BBX: variants seen among roughly 807,000 people sequenced by gnomAD.
BBX encodes the protein HMG box transcription factor BBX.
Under a neutral mutation model 100.2 loss-of-function variants are expected in BBX, and 30 were observed. The observed-to-expected ratio is 0.30, with a 90% CI of 0.22 to 0.41. The LOEUF (loss-of-function observed/expected upper bound fraction) is 0.41. Ranked by LOEUF, BBX falls within the 10% of genes least tolerant of loss-of-function variation. The pLI is 1.00. For missense variants in BBX, 1,023 were observed against 1,129.8 expected (o/e 0.91, Z 1.35); for synonymous variants, 376 against 388.1 (o/e 0.97, Z 0.37).
chr3:107,700,971 G>A (rs2061003738), intron 3 of BBX, among the ~76,000 whole-genome samples: 1 of 151,754 alleles, frequency 6.6e-6, no homozygotes, highest in Non-Finnish European at 1.5e-5. Context: ...TGGGATGGCT[G>A]GGTCAAATGG....
intron 2 of BBX, among the ~76,000 whole-genome samples, chr3:107,617,508 A>C (rs774961340): frequency 1.6e-4 from 25 of 152,176 alleles, no homozygotes; most frequent in South Asian, 1.0e-3. Context: ...ATTCATGAAC[A>C]CTGTATGTCT....
intron 2 of BBX, among the ~76,000 whole-genome samples, chr3:107,620,607 C>A (rs192526349): frequency 1.1e-3 from 161 of 152,322 alleles, no homozygotes; most frequent in African/African-American, 3.5e-3. Flanking sequence ...CTCACCTGTC[C>A]TCCATTGACA....
chr3:107,675,400 C>T (rs985849098), intron 3 of BBX, among the ~76,000 whole-genome samples: 3 of 152,182 alleles, frequency 2.0e-5, no homozygotes, highest in African/African-American at 7.2e-5. Context: ...GAAGCAGAAG[C>T]AGCTCCTTGT....
At chr3:107,558,297 G>T (rs1242212200) in intron 2 of BBX, among the ~76,000 whole-genome samples, 2 of 152,172 alleles carry the variant, frequency 1.3e-5, no homozygotes, top group Non-Finnish European at 2.9e-5. Context: ...GACCAACCTG[G>T]CCAATGTGGA....
intron 5 of BBX, among the ~76,000 whole-genome samples, chr3:107,728,455 T>G (rs918203549): frequency 2.6e-5 from 4 of 152,162 alleles, no homozygotes; most frequent in Non-Finnish European, 4.4e-5. Context: ...CTAGGCTCAT[T>G]CCATTATAAA....
intron 7 of BBX, among the ~76,000 whole-genome samples, chr3:107,739,958 T>A (rs937513458): frequency 1.3e-5 from 2 of 152,068 alleles, no homozygotes; most frequent in Non-Finnish European, 2.9e-5. Context: ...CCACACAGAT[T>A]ATAATGTTAG....
At chr3:107,705,156 C>T (rs151280924) in intron 3 of BBX, among the ~76,000 whole-genome samples, 6 of 152,162 alleles carry the variant, frequency 3.9e-5, no homozygotes, top group African/African-American at 1.4e-4. Flanking sequence ...CTGGTTTTTC[C>T]TCTCCTCCGT....
At chr3:107,551,036 A>T (rs1345130136) in intron 2 of BBX, among the ~76,000 whole-genome samples, 2 of 152,204 alleles carry the variant, frequency 1.3e-5, no homozygotes, top group African/African-American at 2.4e-5. Context: ...AGCGCTATCT[A>T]AGTCATTCTC....
intron 3 of BBX, among the ~76,000 whole-genome samples, chr3:107,700,254 G>A (rs2060937671): frequency 6.6e-6 from 1 of 151,716 alleles, no homozygotes; most frequent in Non-Finnish European, 1.5e-5. Flanking sequence ...TGGGAGTGTG[G>A]TGAGGGAAGG....
chr3:107,615,119 A>G (rs1200064698), intron 2 of BBX, among the ~76,000 whole-genome samples: 1 of 152,206 alleles, frequency 6.6e-6, no homozygotes, highest in African/African-American at 2.4e-5. Context: ...AGCTACAGAA[A>G]TCAGCTAGGA....
At chr3:107,792,051 C>T (rs189792610) in intron 15 of BBX, among the ~76,000 whole-genome samples, 1 of 152,272 alleles carries the variant, frequency 6.6e-6, no homozygotes, top group East Asian at 1.9e-4. Context: ...ATTAACTAGT[C>T]ATGTTATAGG....
chr3:107,805,680 C>A lies in BBX; in HGVS notation c.*223C>A. 1.4e-6 allele frequency: 1 copy of A among 728,740 alleles called. No individual in the cohort carries two copies. Among genetic ancestry groups the A allele is most frequent in the Non-Finnish European group, 2.1e-6 (1 of 473,798 alleles). The allele number at this position is 728,740 out of a possible 1,614,324, so 45.1% of individuals were successfully genotyped here. On this transcript the variant is annotated 3_prime_UTR_variant, in exon 18 of 18. Transcript: ENST00000325805. The stretch of plus-strand genomic sequence containing the variant: ...GTAAGGTTATCTGTCTGATACTGAG[C>A]AGAAACAGAATGATCCTGGAGCTTT...
chr3:107,605,375 A>AT (rs34100576), intron 2 of BBX, among the ~76,000 whole-genome samples: 102,687 of 145,704 alleles, frequency 0.7, 35,924 homozygotes, highest in East Asian at 0.9. Flanking sequence ...TTCACTTTCT[A>AT]TTTTTTTTTT....
At chr3:107,766,989 G>T (rs1161062821) in intron 10 of BBX, among the ~76,000 whole-genome samples, 1 of 152,174 alleles carries the variant, frequency 6.6e-6, no homozygotes, top group Non-Finnish European at 1.5e-5. Flanking sequence ...ACTTATTAGT[G>T]GGAATTGAAC....
chr3:107,805,430 T>C lies in BBX; in HGVS notation c.2799T>C (p.Pro933=). ...AGCCAAAAGAAATGCCGCAGGCTCCTGTACTTATTTCCTGCGCTGACCAGT... is the reference window on the plus strand; with the variant it reads ...AGCCAAAAGAAATGCCGCAGGCTCCCGTACTTATTTCCTGCGCTGACCAGT... ...DGQPKEMPQA[P]VLISCADQ is the part of the protein sequence containing the mutation. The change falls in exon 18 of 18, where the codon CCT becomes CCC. Residue 933 remains proline (P), a synonymous_variant. Transcript: ENST00000325805. 11 of 1,614,174 alleles carry C rather than the reference T, an allele frequency of 6.8e-6. No individual in the cohort carries two copies. The highest frequency in any genetic ancestry group is 9.3e-6 in the Non-Finnish European group (11 of 1,179,988).
chr3:107,566,311 A>G (rs1465405508), intron 2 of BBX, among the ~76,000 whole-genome samples: 1 of 151,930 alleles, frequency 6.6e-6, no homozygotes, highest in African/African-American at 2.4e-5. Context: ...CTGAGATTAA[A>G]CTCAACCTGA....
chr3:107,704,339 G>C (rs781766293), intron 3 of BBX, among the ~76,000 whole-genome samples: 1 of 152,184 alleles, frequency 6.6e-6, no homozygotes, highest in Non-Finnish European at 1.5e-5. Flanking sequence ...TGTGCAGTAG[G>C]CTCCGTGCTA....
intron 7 of BBX, among the ~76,000 whole-genome samples, chr3:107,738,469 A>G (rs1453486507): frequency 6.6e-6 from 1 of 152,188 alleles, no homozygotes; most frequent in Non-Finnish European, 1.5e-5. Flanking sequence ...CCGTAAGACT[A>G]ACTCTTAATC....
intron 3 of BBX, among the ~76,000 whole-genome samples, chr3:107,690,261 A>G (rs1198089717): frequency 2.6e-5 from 4 of 152,146 alleles, no homozygotes; most frequent in Non-Finnish European, 5.9e-5. Flanking sequence ...TTTAGCATAT[A>G]GTCTCTCTTA....
Sources: gnomAD v4.1 joint callset for allele counts (sites outside exome capture counted in the v4.1 genomes callset) on GRCh38, gnomAD v4.1.1 for gene constraint, MANE v1.5 for transcripts, NCBI Gene and HGNC (gene_info 2026-07-23, HGNC 2026-07-21) for gene names.